Variants in ANKRD30A observed in about 807,000 individuals in gnomAD.
ANKRD30A encodes ankyrin repeat domain-containing protein 30A.
A neutral mutation model predicts 166.3 loss-of-function variants in ANKRD30A; 170 were observed. The observed-to-expected ratio is 1.02, with a 90% CI of 0.90 to 1.16. The LOEUF is 1.16. Ranked by LOEUF, ANKRD30A falls within the 50% of genes most tolerant of loss-of-function variation. ANKRD30A has a pLI of 0.00. For missense variants in ANKRD30A, 1,630 were observed against 1,518.0 expected, an observed-to-expected ratio of 1.07 and a Z score of -1.23; for synonymous variants, 564 against 508.9, an observed-to-expected ratio of 1.11 and a Z score of -1.46.
chr10:37,256,295 C>T, the ANKRD30A span, among the ~76,000 whole-genome samples: 3 of 152,194 alleles, frequency 2.0e-5, no homozygotes, highest in African/African-American at 7.2e-5. Context: ...CTCACTCTGT[C>T]ACCAAGGCTG....
the ANKRD30A span, among the ~76,000 whole-genome samples, chr10:37,256,598 TA>T: frequency 2.6e-5 from 4 of 152,310 alleles, no homozygotes; most frequent in Non-Finnish European, 5.9e-5. Flanking sequence ...ATTGAGTACA[TA>T]AAAGAAGAAT....
intron 11 of ANKRD30A, among the ~76,000 whole-genome samples, 193 bp downstream of exon 11, chr10:37,150,042 GTAGCCTTAATC>G (rs775772319): frequency 3.3e-5 from 5 of 151,910 alleles, no homozygotes; most frequent in African/African-American, 4.8e-5. Context: ...TTTTAAAAAT[GTAGCCTTAATC>G]TCAGATGTTT....
intron 2 of ANKRD30A, 49 bp from the exon 3 acceptor site, chr10:37,130,156 A>G: frequency 5.8e-6 from 7 of 1,197,242 alleles, no homozygotes; most frequent in Non-Finnish European, 7.6e-6. Context: ...ATAATAATTT[A>G]TATTATAAAT....
Position 37,158,430 on chromosome 10 carries a change from T to G in ANKRD30A, c.1827+10T>G, listed in dbSNP as rs1200881. ...AGATGGTCTTCTGAAGGTAATAACT[T>G]TTATATTTTTGTCTTGAGTATCAAC... On this transcript the variant is annotated intron_variant, in intron 14 of 35. Coordinates refer to ENST00000361713, the MANE Select transcript of ANKRD30A (RefSeq NM_052997.3). 0.39 allele frequency: 627,868 copies of G among 1,610,034 alleles called. 126,641 individuals carry two copies. The highest frequency in any genetic ancestry group is 0.42 in the African/African-American group (31,107 of 74,722).
At chr10:37,222,087 C>A (rs573966244) in intron 34 of ANKRD30A, among the ~76,000 whole-genome samples, 1 of 151,400 alleles carries the variant, frequency 6.6e-6, no homozygotes, top group East Asian at 1.9e-4. Context: ...TAAAAAGGAA[C>A]TTTATTGGGA....
chr10:37,138,940 T>C (rs1836912742), intron 6 of ANKRD30A, among the ~76,000 whole-genome samples: 1 of 151,940 alleles, frequency 6.6e-6, no homozygotes, highest in Non-Finnish European at 1.5e-5. Flanking sequence ...TTCACCAAAG[T>C]TGAAATGAGG....
intron 25 of ANKRD30A, among the ~76,000 whole-genome samples, chr10:37,192,487 T>C (rs184237674): frequency 0.013 from 1,968 of 152,164 alleles, 67 homozygotes; most frequent in African/African-American, 0.045. Context: ...TTATTAACTT[T>C]TATTCTATAA....
Position 37,195,261 on chromosome 10 carries a change from A to G in ANKRD30A, c.2614+2003A>G, listed in dbSNP as rs188357729. Among the ~76,000 whole-genome samples the G allele has an allele frequency of 8.8e-3, 1,340 of 152,270 alleles. 15 individuals are homozygous for G. Among genetic ancestry groups the G allele is most frequent in the Non-Finnish European group, 0.01 (685 of 68,024 alleles). On this transcript the variant is annotated intron_variant, in intron 27 of 35. Coordinates refer to ENST00000361713, the MANE Select transcript of ANKRD30A (RefSeq NM_052997.3). ...AGTCTTTTTTCTCTTTTTCTTTTTCAAAAAGATATAAATCAAACAAAATCA... is the reference window on the plus strand; with the variant it reads ...AGTCTTTTTTCTCTTTTTCTTTTTCGAAAAGATATAAATCAAACAAAATCA...
At chr10:37,133,497 A>G (rs1836495536) in intron 4 of ANKRD30A, among the ~76,000 whole-genome samples, 1 of 152,260 alleles carries the variant, frequency 6.6e-6, no homozygotes, top group African/African-American at 2.4e-5. Flanking sequence ...CAGCATCATT[A>G]ACTAAACTTA....
intron 34 of ANKRD30A, among the ~76,000 whole-genome samples, chr10:37,225,198 A>G (rs377453002): frequency 2.0e-5 from 3 of 151,528 alleles, no homozygotes; most frequent in Non-Finnish European, 4.4e-5. Context: ...TCTGTCATAT[A>G]TGCTGTACAT....
At chr10:37,158,748 T>G (rs1338622749) in intron 15 of ANKRD30A, among the ~76,000 whole-genome samples, 162 bp downstream of exon 15, 1 of 152,176 alleles carries the variant, frequency 6.6e-6, no homozygotes, top group East Asian at 1.9e-4. Flanking sequence ...AAAATGCCAT[T>G]TACAAGCATA....
chr10:37,238,426 C>T, the ANKRD30A span, among the ~76,000 whole-genome samples: 25 of 152,226 alleles, frequency 1.6e-4, no homozygotes, highest in Admixed American at 8.5e-4. Context: ...TGTTGGTGTG[C>T]TGCACCCATT....
At chr10:37,191,019 A>G (rs1171381851) in intron 25 of ANKRD30A, among the ~76,000 whole-genome samples, 2 of 151,880 alleles carry the variant, frequency 1.3e-5, no homozygotes, top group South Asian at 2.1e-4. Flanking sequence ...AAAACTCTGA[A>G]TTTATGACTT....
intron 18 of ANKRD30A, among the ~76,000 whole-genome samples, chr10:37,166,363 T>C (rs1275162296): frequency 6.6e-6 from 1 of 152,196 alleles, no homozygotes; most frequent in African/African-American, 2.4e-5. Context: ...AGGTGATTTG[T>C]TTTTCCTGCT....
chr10:37,229,328 TA>T lies in ANKRD30A; in HGVS notation c.4186-2132del, dbSNP rs1843309387. 2.6e-5 allele frequency among the ~76,000 whole-genome samples: 4 copies of T among 151,980 alleles called. No homozygotes were observed. The South Asian group carries it at 8.3e-4, about 31-fold the overall frequency. ...AGTCACTAAGTTTGGCCCATGTTATTATTTTTTTAATGAGATGAATTGTTTT... is the reference window on the plus strand; with the variant it reads ...AGTCACTAAGTTTGGCCCATGTTATTTTTTTTTAATGAGATGAATTGTTTT... On this transcript the variant is annotated intron_variant, in intron 34 of 35. Transcript: ENST00000361713.
chr10:37,215,870 C>A (rs1286645659), intron 31 of ANKRD30A, among the ~76,000 whole-genome samples: 2 of 151,394 alleles, frequency 1.3e-5, no homozygotes, highest in African/African-American at 4.8e-5. Flanking sequence ...CACAGTGTAG[C>A]CATACATTCC....
intron 31 of ANKRD30A, among the ~76,000 whole-genome samples, chr10:37,209,597 G>T (rs1168014580): frequency 2.0e-5 from 3 of 152,180 alleles, no homozygotes; most frequent in Admixed American, 2.0e-4. Flanking sequence ...ACATTTCAAT[G>T]GGAGATTTTG....
At chr10:37,205,210 C>T (rs1172945719) in intron 31 of ANKRD30A, among the ~76,000 whole-genome samples, 1 of 152,108 alleles carries the variant, frequency 6.6e-6, no homozygotes, top group East Asian at 1.9e-4. Flanking sequence ...AAATATACAT[C>T]AATGATAGAC....
At chr10:37,221,804 T>G (rs1304901208) in intron 34 of ANKRD30A, among the ~76,000 whole-genome samples, 1 of 151,330 alleles carries the variant, frequency 6.6e-6, no homozygotes, top group Non-Finnish European at 1.5e-5. Flanking sequence ...GCAAGCCATA[T>G]TTAATCAGAG....
Sources: allele counts gnomAD v4.1 joint callset (sites outside exome capture counted in the v4.1 genomes callset), GRCh38; gene constraint gnomAD v4.1.1; transcripts MANE v1.5; gene names NCBI Gene and HGNC (gene_info 2026-07-23, HGNC 2026-07-21).